The following TRIM25 variants were observed in gnomAD, a reference collection of about 807,000 sequenced individuals.
TRIM25 encodes the protein E3 ubiquitin/ISG15 ligase TRIM25.
Under a neutral mutation model 65.2 loss-of-function variants are expected in TRIM25, and 45 were observed. The observed-to-expected ratio is 0.69, with a 90% CI of 0.54 to 0.89. The LOEUF is 0.89. Among genes scored for constraint, TRIM25 ranks in the 40% least tolerant of loss-of-function variants. The pLI is 0.00. For synonymous variants in TRIM25, 321 were observed against 340.4 expected (o/e 0.94, Z 0.63); for missense variants, 714 against 803.7 (o/e 0.89, Z 1.35).
intron 2 of TRIM25, among the ~76,000 whole-genome samples, chr17:56,906,030 C>T (rs1455148141): frequency 1.3e-5 from 2 of 152,238 alleles, no homozygotes; most frequent in African/African-American, 4.8e-5. Flanking sequence ...ATGACATCTG[C>T]ACTCCTACTG....
At chr17:56,895,628 T>C in intron 6 of TRIM25, 24 bp from the exon 7 acceptor site, 4 of 1,541,852 alleles carry the variant, frequency 2.6e-6, no homozygotes, top group South Asian at 1.3e-5. Context: ...AAGGGAAATA[T>C]GATACAGAGC....
At chr17:56,894,783 G>A (rs1909252267) in intron 8 of TRIM25, among the ~76,000 whole-genome samples, 1 of 152,230 alleles carries the variant, frequency 6.6e-6, no homozygotes, top group Non-Finnish European at 1.5e-5. Context: ...CAGGGCCAGG[G>A]GGTCTTGGGA....
intron 4 of TRIM25, among the ~76,000 whole-genome samples, chr17:56,901,041 A>G (rs1254030794): frequency 6.6e-6 from 1 of 152,140 alleles, no homozygotes; most frequent in Non-Finnish European, 1.5e-5. Context: ...ATATGGGGTG[A>G]TGAAAAGGGG....
intron 1 of TRIM25, among the ~76,000 whole-genome samples, chr17:56,910,252 C>T (rs1244833622): frequency 2.0e-5 from 3 of 152,190 alleles, no homozygotes; most frequent in Middle Eastern, 3.2e-3. Context: ...CCAAGATATT[C>T]TGGGCGGAAC....
At chr17:56,908,369 C>G (rs1025588480) in intron 2 of TRIM25, 99 bp downstream of exon 2, 1 of 1,160,596 alleles carries the variant, frequency 8.6e-7, no homozygotes, top group African/African-American at 1.5e-5. Flanking sequence ...GTGAGTGCAC[C>G]CAACACCAGC....
chr17:56,907,876 G>A (rs915288350), intron 2 of TRIM25, among the ~76,000 whole-genome samples: 1 of 152,198 alleles, frequency 6.6e-6, no homozygotes, highest in Non-Finnish European at 1.5e-5. Flanking sequence ...GACACTAAGG[G>A]AAGAAGAGAC....
intron 4 of TRIM25, 60 bp from the exon 5 acceptor site, chr17:56,899,240 C>T: frequency 6.3e-7 from 1 of 1,591,354 alleles, no homozygotes; most frequent in African/African-American, 1.3e-5. Context: ...TAGCAGCCAG[C>T]TTTGCCATGG....
chr17:56,910,939 G>A (rs1309361539), intron 1 of TRIM25, among the ~76,000 whole-genome samples: 2 of 152,224 alleles, frequency 1.3e-5, no homozygotes, highest in Non-Finnish European at 2.9e-5. Context: ...GGGGGTAGGT[G>A]TTGGCAGAGG....
chr17:56,908,418 C>T, intron 2 of TRIM25, 50 bp downstream of exon 2: 3 of 1,583,870 alleles, frequency 1.9e-6, no homozygotes, highest in Admixed American at 3.3e-5. Flanking sequence ...CGCGTGGAAG[C>T]TGAGCGAAGC....
In TRIM25 at chr17:56,889,700, G is replaced by A; in HGVS notation, c.*2000C>T. The stretch of plus-strand genomic sequence containing the variant: ...CCCTCATTTCTGCAGAAGAGAGCCA[G>A]AGCAGGAGCCATGGATTTATCTCTG... On this transcript the variant is annotated 3_prime_UTR_variant, in exon 9 of 9. Coordinates refer to ENST00000316881, the MANE Select transcript of TRIM25 (RefSeq NM_005082.5). 5.0e-6 allele frequency: 2 copies of A among 398,586 alleles called. No homozygotes were observed. Among genetic ancestry groups the A allele is most frequent in the Non-Finnish European group, 8.8e-6 (2 of 226,058 alleles). 24.7% of individuals were successfully genotyped at this position (398,586 alleles called of 1,614,324 possible).
At chr17:56,909,600 G>A (rs112454028) in intron 1 of TRIM25, among the ~76,000 whole-genome samples, 2 of 150,858 alleles carry the variant, frequency 1.3e-5, no homozygotes, top group Admixed American at 6.6e-5. Flanking sequence ...CAGGAGGATC[G>A]CTTGATTCCG....
rs748267365 is a variant in TRIM25, at chr17:56,913,526, G to T, written c.463C>A (p.Arg155Ser). Reference protein sequence around the residue: ...LQPPVRDLLRRKCSQHNRLRE... With the variant: ...LQPPVRDLLRSKCSQHNRLRE... ...AGCCGATTGTGCTGGGAACATTTGC[G>T]GCGCAACAGGTCGCGAACGGGCGGC... Residue 155 changes from arginine to serine, a missense_variant, in exon 1 of 9, where the codon CGC becomes AGC. By Grantham distance (110) the Arg-to-Ser change is moderately radical (BLOSUM62 -1). Transcript: ENST00000316881. The surrounding 1 kb of genome is among the most constrained non-coding windows in gnomAD (Gnocchi z 6.1). 6.2e-7 allele frequency: 1 copy of T among 1,613,814 alleles called. No individual in the cohort carries two copies. Among genetic ancestry groups the T allele is most frequent in the Non-Finnish European group, 8.5e-7 (1 of 1,179,842 alleles).
intron 3 of TRIM25, among the ~76,000 whole-genome samples, chr17:56,902,982 C>T (rs1038273281): frequency 6.6e-6 from 1 of 152,232 alleles, no homozygotes; most frequent in Non-Finnish European, 1.5e-5. Flanking sequence ...CTCCCAGCTT[C>T]ACCTTCTGCC....
chr17:56,889,811 C>G lies in TRIM25; in HGVS notation c.*1889G>C. 1 of 398,592 alleles carries G rather than the reference C, an allele frequency of 2.5e-6. No individual in the cohort carries two copies. 24.7% of individuals were successfully genotyped at this position (398,592 alleles called of 1,614,324 possible). On this transcript the variant is annotated 3_prime_UTR_variant, in exon 9 of 9. Transcript: ENST00000316881. ...TCGTTTCAGAAAATCAATGAAGATGCTTTTGATCATCTTCAAAAGCAGAGA... is the reference window on the plus strand; with the variant it reads ...TCGTTTCAGAAAATCAATGAAGATGGTTTTGATCATCTTCAAAAGCAGAGA...
intron 2 of TRIM25, among the ~76,000 whole-genome samples, chr17:56,907,801 C>T (rs992443862): frequency 2.0e-5 from 3 of 152,120 alleles, no homozygotes; most frequent in African/African-American, 7.2e-5. Flanking sequence ...TCTTGAGATT[C>T]GATCATCATA....
chr17:56,911,304 G>A (rs551786312), intron 1 of TRIM25, among the ~76,000 whole-genome samples: 57 of 151,558 alleles, frequency 3.8e-4, no homozygotes, highest in African/African-American at 9.9e-4. Flanking sequence ...TATATGGGCC[G>A]GGCGTGGTGG....
Position 56,891,926 on chromosome 17 carries a change from G to C in TRIM25, c.1667C>G (p.Thr556Ser), listed in dbSNP as rs200806739. 40 of 1,614,234 alleles carry C rather than the reference G, an allele frequency of 2.5e-5. No individual in the cohort carries two copies. In the Admixed American group the frequency reaches 4.8e-4, roughly 19 times the overall value. The stretch of plus-strand genomic sequence containing the variant: ...GTTATTGTGCCAGGCAGAGATCTTG[G>C]TGTTGAACCACTCCACGCACCAGGA... ...SASWCVEWFN[T>S]KISAWHNNVE... The change falls in exon 9 of 9, where the codon ACC becomes AGC. Residue 556 changes from threonine to serine, a missense_variant. Transcript: ENST00000316881.
chr17:56,898,234 A>G (rs1356017800), intron 5 of TRIM25, among the ~76,000 whole-genome samples: 1 of 151,992 alleles, frequency 6.6e-6, no homozygotes, highest in Admixed American at 6.5e-5. Flanking sequence ...GTATATGGAC[A>G]TCTCAGCGGT....
At position 56,901,573 on chromosome 17, in the gene TRIM25, T is replaced by G; in HGVS notation, c.933A>C (p.Ala311=). The change falls in exon 4 of 9, where the codon GCA becomes GCC. Residue 311 remains alanine (A), a synonymous_variant. Coordinates refer to ENST00000316881, the MANE Select transcript of TRIM25 (RefSeq NM_005082.5). The part of the protein sequence containing the change: ...KRDEFEFLEK[A]SKLRGISTKP... ...TTGTTGAGATTCCTCGCAGTTTTGA[T>G]GCTTTCTGGAACATGCCAGGGGGTT... The G allele has an allele frequency of 6.2e-7, 1 of 1,614,146 alleles. No homozygotes were observed. Among genetic ancestry groups the G allele is most frequent in the East Asian group, 2.2e-5 (1 of 44,882 alleles).
Sources: allele counts gnomAD v4.1 joint callset (sites outside exome capture counted in the v4.1 genomes callset), GRCh38; gene constraint gnomAD v4.1.1; non-coding constraint Gnocchi (gnomAD v3.1); transcripts MANE v1.5; gene names NCBI Gene and HGNC (gene_info 2026-07-23, HGNC 2026-07-21).